Variants in DIDO1 observed in about 807,000 individuals in gnomAD.
The protein encoded by DIDO1 is death inducer-obliterator 1.
In DIDO1, 16 loss-of-function variants were observed where a neutral mutation model predicts 99.4. The observed-to-expected ratio is 0.16, with a 90% CI of 0.11 to 0.24. The LOEUF is 0.24. DIDO1 is among the 10% of genes least tolerant of loss of function. DIDO1 has a pLI of 1.00. For missense variants in DIDO1, 2,996 were observed against 3,014.0 expected (o/e 0.99, Z 0.14); for synonymous variants, 1,366 against 1,239.1 (o/e 1.10, Z -2.15).
At chr20:62,918,279 T>C (rs1212862762) in intron 1 of DIDO1, among the ~76,000 whole-genome samples, 1 of 152,262 alleles carries the variant, frequency 6.6e-6, no homozygotes, top group Non-Finnish European at 1.5e-5. Flanking sequence ...CTCTAAAATC[T>C]GCTTGAAGTC....
chr20:62,906,635 C>A (rs1319060523), intron 5 of DIDO1, among the ~76,000 whole-genome samples: 1 of 152,208 alleles, frequency 6.6e-6, no homozygotes, highest in Admixed American at 6.5e-5. Context: ...GGGGCAGTGA[C>A]ACAGCCACCG....
chr20:62,888,665 C>T (rs751597264), intron 15 of DIDO1: 226 of 985,168 alleles, frequency 2.3e-4, no homozygotes, highest in Non-Finnish European at 2.5e-4. Flanking sequence ...CACACACACA[C>T]GCGCGCACAT....
chr20:62,937,875 G>C (rs1209480437), exon 1 of DIDO1: 1 of 398,446 alleles, frequency 2.5e-6, no homozygotes, highest in Non-Finnish European at 4.4e-6. Flanking sequence ...CAGCCATCTT[G>C]CCAGAGGGCC....
chr20:62,932,020 CA>C (rs2065336833), intron 1 of DIDO1, among the ~76,000 whole-genome samples: 1 of 152,148 alleles, frequency 6.6e-6, no homozygotes, highest in Non-Finnish European at 1.5e-5. Flanking sequence ...TAGCAGTTTC[CA>C]AAAGACACCC....
At chr20:62,892,556 C>T (rs1017122020) in intron 13 of DIDO1, among the ~76,000 whole-genome samples, 1 of 152,176 alleles carries the variant, frequency 6.6e-6, no homozygotes, top group Non-Finnish European at 1.5e-5. Context: ...CCAGCGAAAC[C>T]GATCACTGAG....
At chr20:62,923,864 A>G (rs953035652) in intron 1 of DIDO1, among the ~76,000 whole-genome samples, 2 of 152,246 alleles carry the variant, frequency 1.3e-5, no homozygotes, top group Non-Finnish European at 2.9e-5. Flanking sequence ...TGCCTCCTTT[A>G]CAACTTACAC....
intron 6 of DIDO1, among the ~76,000 whole-genome samples, chr20:62,901,024 G>A (rs1455251386): frequency 6.6e-6 from 1 of 152,212 alleles, no homozygotes; most frequent in African/African-American, 2.4e-5. Context: ...AATCAAGGTG[G>A]CAGCGGCAAG....
At chr20:62,929,758 G>GT (rs35776708), upstream of DIDO1, among the ~76,000 whole-genome samples, 7,867 of 125,836 alleles carry the variant, frequency 0.063, 780 homozygotes, top group African/African-American at 0.21. Context: ...CCACTGTTTT[G>GT]TTTTTTTTTT....
Position 62,892,927 on chromosome 20 carries a change from G to A in DIDO1, c.3137C>T (p.Thr1046Met), listed in dbSNP as rs781311321. 8.7e-6 allele frequency: 14 copies of A among 1,613,666 alleles called. No individual in the cohort carries two copies. Among genetic ancestry groups the A allele is most frequent in the East Asian group, 6.7e-5 (3 of 44,900 alleles). The change falls in exon 13 of 16, where the codon ACG becomes ATG. Residue 1046 changes from threonine to methionine, a missense_variant. This residue lies in a region of DIDO1 where 898 missense variants were observed against 972.7 expected (regional missense o/e 0.92). Coordinates refer to ENST00000395343, the MANE Select transcript of DIDO1 (RefSeq NM_001193369.2). ...GCTGAGTCGAGACAAAAAGAGGGTC[G>A]TGTCTCCCTCTGGAGGGGAACGTGA... ...SESRSPPEGD[T>M]TLFLSRLSTI...
intron 1 of DIDO1, among the ~76,000 whole-genome samples, chr20:62,934,444 C>T (rs989495825): frequency 6.6e-6 from 1 of 152,204 alleles, no homozygotes; most frequent in African/African-American, 2.4e-5. Context: ...CTACATACTT[C>T]CAGGCTCTTC....
At chr20:62,932,849 C>A (rs539859236) in intron 1 of DIDO1, among the ~76,000 whole-genome samples, 1 of 152,310 alleles carries the variant, frequency 6.6e-6, no homozygotes, top group African/African-American at 2.4e-5. Flanking sequence ...GGGGGAAGGT[C>A]ACCTATATCA....
intron 1 of DIDO1, among the ~76,000 whole-genome samples, chr20:62,917,911 G>A (rs1328358907): frequency 6.6e-6 from 1 of 152,152 alleles, no homozygotes; most frequent in Non-Finnish European, 1.5e-5. Context: ...GCCCCAGAAA[G>A]GGCTTCAAGG....
At chr20:62,882,578 C>T (rs1006994764) in intron 15 of DIDO1, among the ~76,000 whole-genome samples, 164 bp from the exon 16 acceptor site, 1 of 101,756 alleles carries the variant, frequency 9.8e-6, no homozygotes, top group Non-Finnish European at 2.0e-5. Flanking sequence ...AAAGCCTGGA[C>T]GATTCCGCCC....
intron 12 of DIDO1, 98 bp downstream of exon 12, chr20:62,893,568 T>G: frequency 1.4e-6 from 2 of 1,381,924 alleles, no homozygotes; most frequent in South Asian, 1.5e-5. Flanking sequence ...TATTTCAGGT[T>G]ACATTTCCAA....
At chr20:62,914,650 C>A (rs761273383) in intron 1 of DIDO1, among the ~76,000 whole-genome samples, 2 of 152,040 alleles carry the variant, frequency 1.3e-5, no homozygotes, top group East Asian at 3.9e-4. Context: ...GAGTGGAGTC[C>A]CAGGCTTGCC....
intron 4 of DIDO1, among the ~76,000 whole-genome samples, chr20:62,908,535 C>T (rs80073668): frequency 0.014 from 2,190 of 152,294 alleles, 58 homozygotes; most frequent in African/African-American, 0.049. Flanking sequence ...AAGTCTGTCT[C>T]GATGATCAGG....
rs779234178 is a variant in DIDO1, at chr20:62,895,124, C to T, written c.2256G>A (p.Ala752=). Residue 752 remains alanine, a synonymous_variant, in exon 9 of 16, where the codon GCG becomes GCA. Coordinates refer to ENST00000395343, the MANE Select transcript of DIDO1 (RefSeq NM_001193369.2). ...HRVLREEISL[A]KLVRLKPEEL... is the part of the protein sequence containing the mutation. ...CTTCTGGCTTCAGTCTCACAAGTTT[C>T]GCCAAAGAGATTTCCTCACGCAGAA... The T allele has an allele frequency of 1.4e-5, 23 of 1,611,956 alleles. No homozygotes were observed. The highest frequency in any genetic ancestry group is 1.1e-4 in the South Asian group (10 of 91,050).
In DIDO1 at chr20:62,878,225, C is replaced by T. The variant is rs562824243; in HGVS notation, c.*1008G>A. On this transcript the variant is annotated 3_prime_UTR_variant, in exon 16 of 16. Coordinates refer to ENST00000395343, the MANE Select transcript of DIDO1 (RefSeq NM_001193369.2). ...ATAAATTAGCCAGATTTTTTTACTT[C>T]ACACTTCAGAAGTACTCGAAAAATA... is the stretch of plus-strand genomic sequence containing the variant. The T allele has an allele frequency of 6.6e-6, 1 of 152,296 alleles. No individual in the cohort carries two copies. The highest frequency in any genetic ancestry group is 2.1e-4 in the South Asian group (1 of 4,830). The allele number at this position is 152,296 out of a possible 1,614,324, so 9.4% of individuals were successfully genotyped here. A position where few individuals can be genotyped will look rare whatever the true frequency, so the allele number is the denominator to read the frequency against.
rs1022954440 is a variant in DIDO1 at position 62,896,123 on chromosome 20, C to T, written c.2214+110G>A. 10 of 1,187,284 alleles carry T rather than the reference C, an allele frequency of 8.4e-6. No individual in the cohort carries two copies. The highest frequency in any genetic ancestry group is 1.6e-5 in the South Asian group (1 of 63,352). The allele number at this position is 1,187,284 out of a possible 1,614,324, so 73.5% of individuals were successfully genotyped here. On this transcript the variant is annotated intron_variant, in intron 8 of 15. Transcript: ENST00000395343. This position sits in a 1 kb window ranked among gnomAD's most constrained non-coding sequence, Gnocchi z 4.4. ...AGAAGGATCACAGAGGAGAAAGAAA[C>T]GTCTTAGCTTTCCTGGAAAGGACAC...
Sources: allele counts gnomAD v4.1 joint callset (sites outside exome capture counted in the v4.1 genomes callset), GRCh38; gene constraint gnomAD v4.1.1; regional missense constraint gnomAD v4.1.1; non-coding constraint Gnocchi (gnomAD v3.1); transcripts MANE v1.5; gene names NCBI Gene and HGNC (gene_info 2026-07-23, HGNC 2026-07-21).